NBAS: variants seen among roughly 807,000 people sequenced by gnomAD.
NBAS encodes NBAS subunit of NRZ tethering complex.
A neutral mutation model predicts 302.5 loss-of-function variants in NBAS; 219 were observed. That is an observed-to-expected ratio of 0.72 (90% CI 0.65 to 0.81). The LOEUF (loss-of-function observed/expected upper bound fraction) is 0.81. Among genes scored for constraint, NBAS ranks in the 30% least tolerant of loss-of-function variants. The pLI, the probability that NBAS is intolerant of heterozygous loss-of-function variation, is 0.00. For synonymous variants in NBAS, 1,118 were observed against 1,021.6 expected (o/e 1.09, Z -1.80); for missense variants, 2,932 against 2,841.6 (o/e 1.03, Z -0.72).
the NBAS span, among the ~76,000 whole-genome samples, chr2:14,922,827 G>A: frequency 3.3e-5 from 5 of 152,118 alleles, no homozygotes; most frequent in African/African-American, 4.8e-5. Flanking sequence ...CAAGTTGGCC[G>A]CCATTTTACT....
At chr2:15,201,254 C>T (rs750707817) in intron 48 of NBAS, among the ~76,000 whole-genome samples, 4 of 152,120 alleles carry the variant, frequency 2.6e-5, no homozygotes, top group East Asian at 3.9e-4. Flanking sequence ...ATTGAGATGT[C>T]GTTGTATGCA....
the NBAS span, among the ~76,000 whole-genome samples, chr2:14,914,629 T>C: frequency 6.6e-6 from 1 of 152,096 alleles, no homozygotes; most frequent in African/African-American, 2.4e-5. Flanking sequence ...GCCCAACTGA[T>C]TTTATGAGAT....
chr2:15,186,444 ACC>A (rs1171183919), intron 50 of NBAS, among the ~76,000 whole-genome samples: 1 of 152,172 alleles, frequency 6.6e-6, no homozygotes, highest in Non-Finnish European at 1.5e-5. Flanking sequence ...TGCCTGAGCT[ACC>A]ATGGCCACTT....
At chr2:15,555,904 A>G (rs1664622761) in intron 3 of NBAS, among the ~76,000 whole-genome samples, 1 of 152,126 alleles carries the variant, frequency 6.6e-6, no homozygotes, top group African/African-American at 2.4e-5. Flanking sequence ...CACCTCATCC[A>G]AGGGTGTTCA....
chr2:14,876,921 T>C, the NBAS span, among the ~76,000 whole-genome samples: 11 of 152,212 alleles, frequency 7.2e-5, no homozygotes, highest in Admixed American at 6.5e-4. Flanking sequence ...CAGCACCTCA[T>C]TGGAATCAGG....
intron 31 of NBAS, among the ~76,000 whole-genome samples, chr2:15,371,227 G>A (rs1674469543): frequency 2.0e-5 from 3 of 152,114 alleles, no homozygotes; most frequent in Admixed American, 2.0e-4. Context: ...TTTGCCTTCT[G>A]CCATGACTGT....
intron 1 of NBAS, 60 bp downstream of exon 1, chr2:15,561,128 G>A (rs992758124): frequency 7.0e-7 from 1 of 1,427,962 alleles, no homozygotes; most frequent in South Asian, 1.1e-5. Context: ...CCTGCTACGT[G>A]GCTCTACCCA....
intron 11 of NBAS, among the ~76,000 whole-genome samples, chr2:15,501,951 A>T (rs1185230323): frequency 6.6e-6 from 1 of 152,132 alleles, no homozygotes; most frequent in Non-Finnish European, 1.5e-5. Flanking sequence ...TTTAAGAGAA[A>T]CATAATTGCT....
the NBAS span, among the ~76,000 whole-genome samples, chr2:15,083,196 T>C: frequency 6.6e-6 from 1 of 152,208 alleles, no homozygotes; most frequent in East Asian, 1.9e-4. Context: ...GGCTGGACTG[T>C]GCTTTCCTTC....
At chr2:15,147,052 G>A in the NBAS span, among the ~76,000 whole-genome samples, 1 of 152,128 alleles carries the variant, frequency 6.6e-6, no homozygotes, top group South Asian at 2.1e-4. Flanking sequence ...TGTGCATTTA[G>A]GAAATGTGAG....
chr2:15,285,713 C>T (rs901113553), intron 42 of NBAS, among the ~76,000 whole-genome samples: 101 of 152,180 alleles, frequency 6.6e-4, no homozygotes, highest in African/African-American at 2.3e-3. Flanking sequence ...AGTGCAATGG[C>T]GCGATCTCTG....
chr2:14,852,381 G>T, the NBAS span, among the ~76,000 whole-genome samples: 4 of 71,100 alleles, frequency 5.6e-5, 1 homozygote, highest in African/African-American at 2.5e-4. Context: ...CAAGGGATGT[G>T]AAGGACCTCT....
chr2:15,216,191 T>A (rs1195957533), intron 48 of NBAS, among the ~76,000 whole-genome samples: 3 of 152,230 alleles, frequency 2.0e-5, no homozygotes, highest in African/African-American at 7.2e-5. Context: ...GTAGCATCAT[T>A]AAGCCAGTGT....
At chr2:14,838,743 G>C in the NBAS span, among the ~76,000 whole-genome samples, 1 of 151,832 alleles carries the variant, frequency 6.6e-6, no homozygotes, top group Non-Finnish European at 1.5e-5. Flanking sequence ...AGCAATCCTA[G>C]GTTGCCTTAG....
intron 9 of NBAS, among the ~76,000 whole-genome samples, chr2:15,518,266 C>A (rs894207901): frequency 3.3e-5 from 5 of 151,958 alleles, no homozygotes; most frequent in Admixed American, 2.0e-4. Flanking sequence ...ATGATTATAT[C>A]TTAAGTATTC....
At chr2:14,940,126 A>G in the NBAS span, among the ~76,000 whole-genome samples, 1 of 152,142 alleles carries the variant, frequency 6.6e-6, no homozygotes, top group South Asian at 2.1e-4. Flanking sequence ...AGGAGCACAC[A>G]GGGAACTCAG....
chr2:15,356,273 A>C, intron 33 of NBAS, 30 bp downstream of exon 33: 1 of 1,544,986 alleles, frequency 6.5e-7, no homozygotes, highest in Non-Finnish European at 9.0e-7. Context: ...AGAGGACATA[A>C]GCAAAGTGTT....
Position 15,218,811 on chromosome 2 carries a change from T to C in NBAS, c.6394A>G (p.Thr2132Ala), listed in dbSNP as rs1317521014. ...CAGGAGGCTTTGAGAATGGCTTCAG[T>C]TCTAAAGAACACGAGGAGCTTGCTG... ...EDSKLLVFFR[T>A]EAILKASWPQ... is the part of the protein sequence containing the mutation. The change falls in exon 48 of 52, where the codon ACT becomes GCT. Residue 2132 changes from threonine to alanine, a missense_variant. Physicochemically the swap from Thr to Ala is moderately conservative, Grantham distance 58. Transcript: ENST00000281513. 1 of 1,614,134 alleles carries C rather than the reference T, an allele frequency of 6.2e-7. No homozygotes were observed. Among genetic ancestry groups the C allele is most frequent in the African/African-American group, 1.3e-5 (1 of 74,950 alleles).
chr2:15,561,149 G>A lies in NBAS; in HGVS notation c.117+39C>T, dbSNP rs777141308. 2.8e-6 allele frequency: 4 copies of A among 1,446,960 alleles called. No homozygotes were observed. The East Asian group carries it at 1.2e-4, about 44-fold the overall frequency. 89.6% of individuals were successfully genotyped at this position (1,446,960 alleles called of 1,614,324 possible). A position where few individuals can be genotyped will look rare whatever the true frequency, so the allele number is the denominator to read the frequency against. ...ACGTGGCTCTACCCACGAAGCGCCC[G>A]CGCCAAGCTGGCTGCTGCTGTAGAT... On this transcript the variant is annotated intron_variant, in intron 1 of 51. Coordinates refer to ENST00000281513, the MANE Select transcript of NBAS (RefSeq NM_015909.4).
Sources: allele counts gnomAD v4.1 joint callset (sites outside exome capture counted in the v4.1 genomes callset), GRCh38; gene constraint gnomAD v4.1.1; transcripts MANE v1.5; gene names NCBI Gene and HGNC (gene_info 2026-07-23, HGNC 2026-07-21).